PTPRG: variants seen among roughly 807,000 people sequenced by gnomAD.
The protein encoded by PTPRG is protein tyrosine phosphatase receptor type G.
In PTPRG, 102 loss-of-function variants were observed where a neutral mutation model predicts 165.3. That is an observed-to-expected ratio of 0.62 (90% CI 0.53 to 0.73). The LOEUF is 0.73. Among genes scored for constraint, PTPRG ranks in the 30% least tolerant of loss-of-function variants. The pLI, the probability that PTPRG is intolerant of heterozygous loss-of-function variation, is 0.00. For synonymous variants in PTPRG, 675 were observed against 669.5 expected (o/e 1.01, Z -0.13); for missense variants, 1,866 against 1,861.4 (o/e 1.00, Z -0.05).
chr3:61,686,733 C>T (rs967799003), intron 1 of PTPRG, among the ~76,000 whole-genome samples: 1 of 152,164 alleles, frequency 6.6e-6, no homozygotes, highest in Non-Finnish European at 1.5e-5. Flanking sequence ...AAGCATTGCC[C>T]TATGAACAGA....
At chr3:61,935,540 A>G (rs1487417780) in intron 2 of PTPRG, among the ~76,000 whole-genome samples, 1 of 152,174 alleles carries the variant, frequency 6.6e-6, no homozygotes, top group Non-Finnish European at 1.5e-5. Context: ...TACCTAAAGC[A>G]GTGTAGACAG....
intron 1 of PTPRG, among the ~76,000 whole-genome samples, chr3:61,692,988 A>G (rs1256647421): frequency 6.6e-6 from 1 of 152,204 alleles, no homozygotes; most frequent in Non-Finnish European, 1.5e-5. Context: ...TCCCAGCCCT[A>G]TTAGTAACAG....
intron 4 of PTPRG, among the ~76,000 whole-genome samples, chr3:62,019,686 A>T (rs1280760109): frequency 6.6e-6 from 1 of 152,148 alleles, no homozygotes; most frequent in East Asian, 1.9e-4. Flanking sequence ...ACGGGAGGTG[A>T]TGGATGTGTT....
At chr3:61,972,031 AC>A (rs2040396536) in intron 2 of PTPRG, among the ~76,000 whole-genome samples, 1 of 152,274 alleles carries the variant, frequency 6.6e-6, no homozygotes, top group African/African-American at 2.4e-5. Context: ...AATATACGAA[AC>A]AAATAAATGT....
intron 2 of PTPRG, among the ~76,000 whole-genome samples, chr3:61,860,502 A>G (rs2037234120): frequency 7.6e-6 from 1 of 130,802 alleles, no homozygotes. Context: ...GTGCACTGGC[A>G]CAATCTTGGC....
intron 4 of PTPRG, among the ~76,000 whole-genome samples, chr3:62,050,095 A>G (rs572833630): frequency 1.2e-4 from 18 of 152,330 alleles, no homozygotes; most frequent in South Asian, 6.2e-4. Context: ...AAGAGGTGCA[A>G]TAGGTAAAAC....
At chr3:61,682,902 GA>G (rs1703500699) in intron 1 of PTPRG, among the ~76,000 whole-genome samples, 1 of 152,194 alleles carries the variant, frequency 6.6e-6, no homozygotes, top group Non-Finnish European at 1.5e-5. Flanking sequence ...TTTAAAACCA[GA>G]AAAAGGCAAG....
chr3:61,610,158 G>A (rs1001997461), intron 1 of PTPRG, among the ~76,000 whole-genome samples: 1 of 151,252 alleles, frequency 6.6e-6, no homozygotes, highest in African/African-American at 2.4e-5. Flanking sequence ...TTCCTAATCT[G>A]TAAAATGAGA....
chr3:62,119,607 T>A (rs111790827), intron 5 of PTPRG, among the ~76,000 whole-genome samples: 1,545 of 151,948 alleles, frequency 0.01, 29 homozygotes, highest in African/African-American at 0.034. Context: ...TAGATTTTTT[T>A]TTTTTAATTT....
At chr3:61,591,639 T>C (rs1305466646) in intron 1 of PTPRG, among the ~76,000 whole-genome samples, 1 of 151,956 alleles carries the variant, frequency 6.6e-6, no homozygotes, top group Non-Finnish European at 1.5e-5. Flanking sequence ...GGCAGTGAGG[T>C]GTGTAGAGGA....
chr3:62,234,620 T>A (rs973319808), intron 14 of PTPRG, among the ~76,000 whole-genome samples: 2 of 152,142 alleles, frequency 1.3e-5, no homozygotes, highest in Non-Finnish European at 2.9e-5. Flanking sequence ...ACTGTTTATA[T>A]CTTTTGCTTG....
rs962136164 is a variant in PTPRG at position 62,269,744 on chromosome 3, A to G, written c.3009+575A>G. Among the ~76,000 whole-genome samples the G allele has an allele frequency of 5.9e-5, 9 of 152,118 alleles. No homozygotes were observed. The East Asian group carries it at 1.7e-3, about 29-fold the overall frequency. ...TTTGTGGAAATACTGTTTTCAGGTT[A>G]TCTCAGTTTCTTTTTCAAAATCCAC... On this transcript the variant is annotated intron_variant, in intron 20 of 29. Coordinates refer to ENST00000474889, the MANE Select transcript of PTPRG (RefSeq NM_002841.4).
intron 1 of PTPRG, among the ~76,000 whole-genome samples, chr3:61,734,803 G>T (rs1298571293): frequency 6.6e-6 from 1 of 152,174 alleles, no homozygotes; most frequent in African/African-American, 2.4e-5. Context: ...TATATTCAGA[G>T]TTGAAAAGTC....
chr3:62,043,795 AG>A (rs1420361820), intron 4 of PTPRG, among the ~76,000 whole-genome samples: 1 of 152,190 alleles, frequency 6.6e-6, no homozygotes, highest in Admixed American at 6.5e-5. Flanking sequence ...CCCTTGTCTA[AG>A]GGGTGGTATA....
In PTPRG at chr3:62,203,032, C is replaced by T. The variant is rs1194860625; in HGVS notation, c.1378-141C>T. 7.2e-7 allele frequency: 1 copy of T among 1,389,102 alleles called. No individual in the cohort carries two copies. Among genetic ancestry groups the T allele is most frequent in the Admixed American group, 2.8e-5 (1 of 35,178 alleles). 86.0% of individuals were successfully genotyped at this position (1,389,102 alleles called of 1,614,324 possible). ...CACCTAATGTCAACTTTATGCCATA[C>T]ATTGGAAAACTCCATAGCATAGATG... On this transcript the variant is annotated intron_variant, in intron 11 of 29. Coordinates refer to ENST00000474889, the MANE Select transcript of PTPRG (RefSeq NM_002841.4). The surrounding 1 kb of genome is among the most constrained non-coding windows in gnomAD (Gnocchi z 6.4).
chr3:62,034,308 C>A (rs553327049), intron 4 of PTPRG, among the ~76,000 whole-genome samples: 63 of 152,282 alleles, frequency 4.1e-4, no homozygotes, highest in Middle Eastern at 3.4e-3. Context: ...ATTAAAGGGT[C>A]AACTGTATTT....
At chr3:62,013,588 T>G (rs997660500) in intron 4 of PTPRG, among the ~76,000 whole-genome samples, 3 of 152,210 alleles carry the variant, frequency 2.0e-5, no homozygotes, top group Non-Finnish European at 4.4e-5. Flanking sequence ...CAGCAGGGCT[T>G]GGGTAGCTAT....
intron 2 of PTPRG, among the ~76,000 whole-genome samples, chr3:61,805,573 G>A (rs1490377211): frequency 6.8e-6 from 1 of 147,900 alleles, no homozygotes; most frequent in African/African-American, 2.5e-5. Flanking sequence ...CATGGCACAA[G>A]TTATCCACTG....
chr3:61,878,284 C>T (rs767208835), intron 2 of PTPRG, among the ~76,000 whole-genome samples: 2 of 152,006 alleles, frequency 1.3e-5, no homozygotes, highest in South Asian at 2.1e-4. Context: ...CACACAATAG[C>T]GATAGTAAAT....
Sources: gnomAD v4.1 joint callset for allele counts (sites outside exome capture counted in the v4.1 genomes callset) on GRCh38, gnomAD v4.1.1 for gene constraint, Gnocchi (gnomAD v3.1) non-coding constraint, MANE v1.5 for transcripts, NCBI Gene and HGNC (gene_info 2026-07-23, HGNC 2026-07-21) for gene names.